KDM4B: variants seen among roughly 807,000 people sequenced by gnomAD.
KDM4B encodes the protein lysine demethylase 4B.
KDM4B carries 32 observed loss-of-function variants against 125.2 expected under a neutral mutation model. The ratio of observed to expected loss-of-function variants is 0.26; its 90% CI spans 0.19 to 0.34. The LOEUF is 0.34. Among genes scored for constraint, KDM4B ranks in the 10% least tolerant of loss-of-function variants. KDM4B has a pLI of 1.00. For missense variants in KDM4B, 1,190 were observed against 1,577.7 expected, an observed-to-expected ratio of 0.75 and a Z score of 4.16; for synonymous variants, 721 against 677.9, an observed-to-expected ratio of 1.06 and a Z score of -0.99.
chr19:5,082,769 C>T lies in KDM4B; in HGVS notation c.918+265C>T, dbSNP rs534478163. Among the ~76,000 whole-genome samples the T allele has an allele frequency of 8.5e-4, 130 of 152,350 alleles. No homozygotes were observed. The highest frequency in any genetic ancestry group is 6.2e-4 in the Non-Finnish European group (42 of 68,030). On this transcript the variant is annotated intron_variant, in intron 9 of 22. Transcript: ENST00000159111. The surrounding 1 kb of genome is among the most constrained non-coding windows in gnomAD (Gnocchi z 5.4). ...CAGCGAGTTCCATACACCAGTTATC[C>T]CTCGGCCTGCGTGGGCCTCCTGGGC...
chr19:5,117,286 A>G (rs1174318303), intron 10 of KDM4B, among the ~76,000 whole-genome samples: 1 of 112,842 alleles, frequency 8.9e-6, no homozygotes, highest in South Asian at 3.1e-4. Flanking sequence ...GGGGAGGGCC[A>G]TGGTCGGAAG....
chr19:5,119,624 C>T, intron 10 of KDM4B, 29 bp from the exon 11 acceptor site: 2 of 1,546,856 alleles, frequency 1.3e-6, no homozygotes, highest in Non-Finnish European at 1.7e-6. Context: ...CCTGGTCTCC[C>T]CTCCTGCCTG....
intron 11 of KDM4B, among the ~76,000 whole-genome samples, 157 bp from the exon 12 acceptor site, chr19:5,130,919 C>T (rs952164739): frequency 1.2e-4 from 19 of 152,222 alleles, no homozygotes; most frequent in Non-Finnish European, 2.4e-4. Context: ...TGAGGTGGCC[C>T]GAAGCCTGTG....
At chr19:5,094,795 A>T (rs2145928600) in intron 9 of KDM4B, among the ~76,000 whole-genome samples, 1 of 152,260 alleles carries the variant, frequency 6.6e-6, no homozygotes, top group Non-Finnish European at 1.5e-5. Flanking sequence ...GTATCCATTA[A>T]CCAAAATGAA....
chr19:5,082,884 CCAT>C lies in KDM4B; in HGVS notation c.918+384_918+386del, dbSNP rs2038346620. 6.6e-6 allele frequency among the ~76,000 whole-genome samples: 1 copy of C among 152,190 alleles called. No homozygotes were observed. Among genetic ancestry groups the C allele is most frequent in the Non-Finnish European group, 1.5e-5 (1 of 68,022 alleles). ...TGGCTGGCTCCTGGGCATCTCCTGGCCATCATGGTCCTGGGGTTGGGTTGTTTG... is the reference window on the plus strand; with the variant it reads ...TGGCTGGCTCCTGGGCATCTCCTGGCCATGGTCCTGGGGTTGGGTTGTTTG... On this transcript the variant is annotated intron_variant, in intron 9 of 22. Transcript: ENST00000159111. The surrounding 1 kb of genome is among the most constrained non-coding windows in gnomAD (Gnocchi z 5.4).
At chr19:5,014,452 A>G (rs1044261581) in intron 1 of KDM4B, among the ~76,000 whole-genome samples, 1 of 151,866 alleles carries the variant, frequency 6.6e-6, no homozygotes, top group Non-Finnish European at 1.5e-5. Context: ...AATTTTTTGT[A>G]TTTTTAGTAG....
chr19:4,977,999 A>G (rs954407739), intron 1 of KDM4B, among the ~76,000 whole-genome samples: 1 of 152,152 alleles, frequency 6.6e-6, no homozygotes, highest in African/African-American at 2.4e-5. Context: ...TCTGTCAGAC[A>G]GTGTTGGCTG....
rs3835167 is a variant in KDM4B, at chr19:4,971,441, C to CCT, written c.-109+2211_-109+2212insCT. Among the ~76,000 whole-genome samples the CCT allele has an allele frequency of 0.4, 60,566 of 151,734 alleles. 12,832 individuals carry two copies. The highest frequency in any genetic ancestry group is 0.73 in the East Asian group (3,707 of 5,108). ...CTGTCTCCTCTGCTGGTTTCCTGCC[C>CCT]GTTTGTCCTATGCCCCACCCACTCC... On this transcript the variant is annotated intron_variant, in intron 1 of 22. Transcript: ENST00000159111. The surrounding 1 kb of genome is among the most constrained non-coding windows in gnomAD (Gnocchi z 4.1).
intron 1 of KDM4B, among the ~76,000 whole-genome samples, chr19:5,004,372 G>T (rs968920452): frequency 6.6e-6 from 1 of 152,170 alleles, no homozygotes; most frequent in African/African-American, 2.4e-5. Context: ...GGCCCACAGT[G>T]GGCCTGTTCT....
At chr19:5,000,413 CCATCCGTA>C (rs2035348989) in intron 1 of KDM4B, among the ~76,000 whole-genome samples, 1 of 151,862 alleles carries the variant, frequency 6.6e-6, no homozygotes, top group African/African-American at 2.4e-5. Context: ...ATCCATCCAT[CCATCCGTA>C]CATCCATTTA....
rs182939611 is a variant in KDM4B at position 5,115,081 on chromosome 19, G to A, written c.1115+4263G>A. Among the ~76,000 whole-genome samples, 405 of 152,320 alleles carry A rather than the reference G, an allele frequency of 2.7e-3. 17 individuals are homozygous for A. Among genetic ancestry groups the A allele is most frequent in the Admixed American group, 0.023 (357 of 15,300 alleles). On this transcript the variant is annotated intron_variant, in intron 10 of 22. Transcript: ENST00000159111. This position sits in a 1 kb window ranked among gnomAD's most constrained non-coding sequence, Gnocchi z 4.2. The stretch of plus-strand genomic sequence containing the variant: ...TGAGCACGTCTCCAGGCTTTGAAAA[G>A]CAGGGAAGGGTGGGCAGGAGACCCC...
intron 6 of KDM4B, among the ~76,000 whole-genome samples, chr19:5,058,394 T>G (rs1051472856): frequency 3.3e-5 from 5 of 151,578 alleles, no homozygotes; most frequent in African/African-American, 4.9e-5. Flanking sequence ...GCAGGGAGAA[T>G]GGGGGGCTCT....
chr19:5,131,959 A>G lies in KDM4B; in HGVS notation c.1858A>G (p.Thr620Ala). ...GCGCCATCCCCTGGGCCGGCCGCCC[A>G]CCCGGTCCCCACTGTCGGTGGTGAA... ...SRRHPLGRPPTRSPLSVVKQE... is the reference protein window; with the variant it reads ...SRRHPLGRPPARSPLSVVKQE... Residue 620 changes from threonine (T) to alanine (A), a missense_variant, in exon 13 of 23, where the codon ACC becomes GCC. Thr to Ala is a moderately conservative substitution (Grantham distance 58). Transcript: ENST00000159111. 5 of 1,611,672 alleles carry G rather than the reference A, an allele frequency of 3.1e-6. No homozygotes were observed. The highest frequency in any genetic ancestry group is 1.3e-5 in the African/African-American group (1 of 74,938).
At position 5,087,471 on chromosome 19, in the gene KDM4B, C is replaced by G. The variant is rs1344597831; in HGVS notation, c.918+4967C>G. On this transcript the variant is annotated intron_variant, in intron 9 of 22. Transcript: ENST00000159111. ...CCCAGTGGTGACAACCACAGAGGTCCCCAGACATCACCTGCAGCGTCCCTT... is the reference window on the plus strand; with the variant it reads ...CCCAGTGGTGACAACCACAGAGGTCGCCAGACATCACCTGCAGCGTCCCTT... Among the ~76,000 whole-genome samples the G allele has an allele frequency of 8.5e-5, 13 of 152,220 alleles. 1 individual carries two copies. The South Asian group carries it at 2.7e-3, about 31-fold the overall frequency.
chr19:5,069,814 C>G (rs902879704), intron 6 of KDM4B, among the ~76,000 whole-genome samples: 4 of 151,730 alleles, frequency 2.6e-5, no homozygotes, highest in African/African-American at 9.7e-5. Flanking sequence ...ACCATGTTGG[C>G]TAGGCTGGTC....
intron 1 of KDM4B, among the ~76,000 whole-genome samples, chr19:4,973,485 G>C (rs1324439062): frequency 6.6e-6 from 1 of 152,124 alleles, no homozygotes; most frequent in Non-Finnish European, 1.5e-5. Context: ...CACTATGCTC[G>C]GCCAAGTTGC....
intron 15 of KDM4B, among the ~76,000 whole-genome samples, chr19:5,135,984 G>C (rs983693806): frequency 6.6e-6 from 1 of 152,252 alleles, no homozygotes. Flanking sequence ...CCTAGGGCCA[G>C]AGCAAGAAAT....
intron 11 of KDM4B, among the ~76,000 whole-genome samples, chr19:5,122,152 T>TG (rs2039372622): frequency 6.6e-6 from 1 of 152,164 alleles, no homozygotes; most frequent in African/African-American, 2.4e-5. Flanking sequence ...TGCTTCCTCC[T>TG]GGGGGGCTCC....
At chr19:5,050,694 A>G (rs1298211289) in intron 6 of KDM4B, among the ~76,000 whole-genome samples, 1 of 152,204 alleles carries the variant, frequency 6.6e-6, no homozygotes, top group Admixed American at 6.5e-5. Context: ...AGGTCAGGAA[A>G]TCGAGACCAT....
Sources: allele counts gnomAD v4.1 joint callset (sites outside exome capture counted in the v4.1 genomes callset), GRCh38; gene constraint gnomAD v4.1.1; non-coding constraint Gnocchi (gnomAD v3.1); transcripts MANE v1.5; gene names NCBI Gene and HGNC (gene_info 2026-07-23, HGNC 2026-07-21).